IGF1R: variants seen among roughly 807,000 people sequenced by gnomAD.
The protein encoded by IGF1R is insulin like growth factor 1 receptor.
Under a neutral mutation model 144.6 loss-of-function variants are expected in IGF1R, and 44 were observed. The observed-to-expected ratio is 0.30, with a 90% CI of 0.24 to 0.39. IGF1R has a LOEUF of 0.39. IGF1R is among the 10% of genes least tolerant of loss of function. The pLI, the probability that IGF1R is intolerant of heterozygous loss-of-function variation, is 1.00. For synonymous variants in IGF1R, 795 were observed against 722.8 expected, an observed-to-expected ratio of 1.10 and a Z score of -1.60; for missense variants, 1,355 against 1,833.7, an observed-to-expected ratio of 0.74 and a Z score of 4.77.
chr15:98,718,233 A>G (rs1025180218), intron 2 of IGF1R, among the ~76,000 whole-genome samples: 3 of 152,176 alleles, frequency 2.0e-5, no homozygotes, highest in African/African-American at 7.2e-5. Context: ...TGCCTTGGTC[A>G]CAAACAAGCG....
intron 2 of IGF1R, among the ~76,000 whole-genome samples, chr15:98,796,987 TC>T (rs1050406787): frequency 3.3e-5 from 5 of 152,164 alleles, no homozygotes; most frequent in African/African-American, 9.6e-5. Context: ...CTGAGCCTGT[TC>T]CCCCCTCATT....
chr15:98,679,676 G>A (rs1341239614), intron 1 of IGF1R, among the ~76,000 whole-genome samples: 1 of 138,096 alleles, frequency 7.2e-6, no homozygotes, highest in Non-Finnish European at 1.5e-5. Context: ...TATTTACTAT[G>A]CTGTACTTTT....
At chr15:98,770,524 T>G (rs1229157928) in intron 2 of IGF1R, among the ~76,000 whole-genome samples, 1 of 152,240 alleles carries the variant, frequency 6.6e-6, no homozygotes, top group East Asian at 1.9e-4. Flanking sequence ...CTAATTATTC[T>G]GATCATTATA....
chr15:98,766,995 C>A (rs1276788836), intron 2 of IGF1R, among the ~76,000 whole-genome samples: 2 of 152,130 alleles, frequency 1.3e-5, no homozygotes, highest in East Asian at 1.9e-4. Flanking sequence ...GTGTAGAGAC[C>A]AAGGGTGCCT....
Position 98,935,634 on chromosome 15 carries a change from T to TC in IGF1R, c.3297+210dup, listed in dbSNP as rs1233014497. ...GATCTTCGTGAGGGGAACTTCCTGT[T>TC]CCTTGGATCCCCTCTGCTAAGCCCC... On this transcript the variant is annotated intron_variant, in intron 17 of 20. Coordinates refer to ENST00000650285, the MANE Select transcript of IGF1R (RefSeq NM_000875.5). The surrounding 1 kb of genome is among the most constrained non-coding windows in gnomAD (Gnocchi z 4.2). 5.3e-5 allele frequency among the ~76,000 whole-genome samples: 8 copies of TC among 152,154 alleles called. No homozygotes were observed. The highest frequency in any genetic ancestry group is 1.9e-4 in the African/African-American group (8 of 41,418).
At chr15:98,924,180 A>T (rs1204707458) in intron 12 of IGF1R, among the ~76,000 whole-genome samples, 168 bp downstream of exon 12, 6 of 152,250 alleles carry the variant, frequency 3.9e-5, no homozygotes, top group African/African-American at 1.4e-4. Context: ...CTCTCCAAGG[A>T]GTACTGCATA....
At chr15:98,818,070 C>G (rs563646756) in intron 2 of IGF1R, among the ~76,000 whole-genome samples, 1 of 152,312 alleles carries the variant, frequency 6.6e-6, no homozygotes, top group Non-Finnish European at 1.5e-5. Flanking sequence ...GGTGTCTCTT[C>G]ACTGATTAAG....
chr15:98,723,852 T>C (rs2054300212), intron 2 of IGF1R, among the ~76,000 whole-genome samples: 1 of 152,174 alleles, frequency 6.6e-6, no homozygotes, highest in South Asian at 2.1e-4. Flanking sequence ...GTTCTTAACA[T>C]TTTTTGTTTA....
At chr15:98,818,156 C>T (rs576067697) in intron 2 of IGF1R, among the ~76,000 whole-genome samples, 2 of 152,290 alleles carry the variant, frequency 1.3e-5, no homozygotes, top group East Asian at 3.9e-4. Context: ...ACAGCCCTAC[C>T]TTCAACAGAG....
chr15:98,955,000 T>C (rs1050716814), intron 20 of IGF1R, among the ~76,000 whole-genome samples: 1 of 152,132 alleles, frequency 6.6e-6, no homozygotes, highest in African/African-American at 2.4e-5. Flanking sequence ...GTGATCAAAG[T>C]GTAGTCATTC....
At position 98,876,721 on chromosome 15, in the gene IGF1R, A is replaced by G. The variant is rs11630956; in HGVS notation, c.641-14604A>G. Among the ~76,000 whole-genome samples, 1,174 of 152,294 alleles carry G rather than the reference A, an allele frequency of 7.7e-3. 7 individuals are homozygous for G. Among genetic ancestry groups the G allele is most frequent in the Non-Finnish European group, 0.012 (835 of 68,016 alleles). ...ATCAGATAGATTAAATATAAGTTCC[A>G]TGTATTTTTGAAGGTGGGAGTGTTC... On this transcript the variant is annotated intron_variant, in intron 2 of 20. Transcript: ENST00000650285.
At chr15:98,762,079 A>G (rs796414408) in intron 2 of IGF1R, among the ~76,000 whole-genome samples, 4 of 152,222 alleles carry the variant, frequency 2.6e-5, no homozygotes, top group African/African-American at 9.6e-5. Context: ...CTCAGGGTAC[A>G]TTTTCCCATC....
At chr15:98,687,398 A>T (rs555426584) in intron 1 of IGF1R, among the ~76,000 whole-genome samples, 111 of 152,228 alleles carry the variant, frequency 7.3e-4, no homozygotes, top group Admixed American at 2.4e-3. Context: ...GGTGTCTTGG[A>T]GTTTAGAAAC....
At chr15:98,832,173 A>G (rs1159212855) in intron 2 of IGF1R, among the ~76,000 whole-genome samples, 1 of 151,984 alleles carries the variant, frequency 6.6e-6, no homozygotes, top group Non-Finnish European at 1.5e-5. Flanking sequence ...CTCTACTTCT[A>G]TGTAATTCTA....
chr15:98,919,032 C>T (rs949034135), intron 10 of IGF1R, among the ~76,000 whole-genome samples: 1 of 152,120 alleles, frequency 6.6e-6, no homozygotes, highest in Non-Finnish European at 1.5e-5. Context: ...ATTTTCTTAT[C>T]CAGGATATCT....
chr15:98,810,697 C>T (rs572374246), intron 2 of IGF1R, among the ~76,000 whole-genome samples: 13 of 152,034 alleles, frequency 8.6e-5, no homozygotes, highest in East Asian at 5.9e-4. Context: ...TACAGGCGCC[C>T]GCCACCACGC....
intron 2 of IGF1R, among the ~76,000 whole-genome samples, chr15:98,780,925 G>A (rs1247496121): frequency 6.6e-6 from 1 of 152,132 alleles, no homozygotes. Context: ...TTACCAGCCT[G>A]GGCAACATGG....
chr15:98,813,809 C>T (rs1299865109), intron 2 of IGF1R, among the ~76,000 whole-genome samples: 1 of 152,204 alleles, frequency 6.6e-6, no homozygotes, highest in African/African-American at 2.4e-5. Flanking sequence ...GGAGAGGAGC[C>T]TGACTATCAA....
intron 2 of IGF1R, among the ~76,000 whole-genome samples, chr15:98,756,747 A>G (rs1040537083): frequency 1.4e-4 from 21 of 152,262 alleles, no homozygotes; most frequent in African/African-American, 4.8e-4. Flanking sequence ...ATTTAAGGCT[A>G]TACATTTTCT....
Sources: gnomAD v4.1 joint callset for allele counts (sites outside exome capture counted in the v4.1 genomes callset) on GRCh38, gnomAD v4.1.1 for gene constraint, Gnocchi (gnomAD v3.1) non-coding constraint, MANE v1.5 for transcripts, NCBI Gene and HGNC (gene_info 2026-07-23, HGNC 2026-07-21) for gene names.